LRRC20: variants seen among roughly 807,000 people sequenced by gnomAD.
The protein encoded by LRRC20 is leucine rich repeat containing 20.
Under a neutral mutation model 14.4 loss-of-function variants are expected in LRRC20, and 11 were observed. That is an observed-to-expected ratio of 0.77 (90% CI 0.48 to 1.27). The LOEUF is 1.27. Among genes scored for constraint, LRRC20 ranks in the 50% most tolerant of loss-of-function variants. LRRC20 has a pLI of 0.00. For synonymous variants in LRRC20, 121 were observed against 107.3 expected, an observed-to-expected ratio of 1.13 and a Z score of -0.79; for missense variants, 219 against 251.2, an observed-to-expected ratio of 0.87 and a Z score of 0.87.
chr10:70,307,819 T>C (rs1313335080), intron 4 of LRRC20, among the ~76,000 whole-genome samples: 2 of 152,232 alleles, frequency 1.3e-5, no homozygotes, highest in Non-Finnish European at 2.9e-5. Flanking sequence ...AATGGAGTCA[T>C]ACTGCTCACC....
chr10:70,328,950 C>T (rs1842430967), intron 3 of LRRC20, among the ~76,000 whole-genome samples: 1 of 152,154 alleles, frequency 6.6e-6, no homozygotes, highest in African/African-American at 2.4e-5. Flanking sequence ...ACACTTGGTT[C>T]CTGGATTATG....
At chr10:70,360,001 C>T (rs1589114528) in intron 2 of LRRC20, among the ~76,000 whole-genome samples, 1 of 150,826 alleles carries the variant, frequency 6.6e-6, no homozygotes, top group South Asian at 2.1e-4. Flanking sequence ...ACTGCAACCT[C>T]TGCCTCCCAG....
At chr10:70,366,268 T>C (rs752595036) in intron 2 of LRRC20, among the ~76,000 whole-genome samples, 9 of 149,414 alleles carry the variant, frequency 6.0e-5, no homozygotes, top group Non-Finnish European at 8.9e-5. Context: ...ACTAAAAATA[T>C]AAAAATTAAC....
intron 2 of LRRC20, among the ~76,000 whole-genome samples, chr10:70,342,141 A>C (rs1842938482): frequency 6.6e-6 from 1 of 151,996 alleles, no homozygotes; most frequent in Non-Finnish European, 1.5e-5. Context: ...TCTACTAAAA[A>C]TACAAAAAAA....
At chr10:70,369,869 C>T (rs988133402) in intron 2 of LRRC20, among the ~76,000 whole-genome samples, 6 of 75,504 alleles carry the variant, frequency 7.9e-5, no homozygotes, top group Admixed American at 5.3e-4. Flanking sequence ...CACTTGAGGT[C>T]AGGAGTTCGA....
chr10:70,340,106 G>A (rs1842860729), intron 3 of LRRC20, among the ~76,000 whole-genome samples: 1 of 149,734 alleles, frequency 6.7e-6, no homozygotes, highest in African/African-American at 2.5e-5. Flanking sequence ...GGGCGATACA[G>A]CAAGATTCCA....
At chr10:70,306,729 T>A (rs1841441472) in intron 4 of LRRC20, among the ~76,000 whole-genome samples, 3 of 152,216 alleles carry the variant, frequency 2.0e-5, no homozygotes, top group Admixed American at 2.0e-4. Flanking sequence ...CGTGCAAATA[T>A]CCTAAATGTT....
chr10:70,307,845 A>G (rs1841483715), intron 4 of LRRC20, among the ~76,000 whole-genome samples: 1 of 152,258 alleles, frequency 6.6e-6, no homozygotes. Context: ...GGGAGGTCCC[A>G]GAAGTCGACA....
At chr10:70,316,424 C>G (rs183620419) in intron 4 of LRRC20, among the ~76,000 whole-genome samples, 1 of 152,230 alleles carries the variant, frequency 6.6e-6, no homozygotes, top group Non-Finnish European at 1.5e-5. Context: ...TGAGCCACCG[C>G]GCCCGGCCCT....
chr10:70,300,011 T>C lies in LRRC20; in HGVS notation c.*1343A>G, dbSNP rs930212873. On this transcript the variant is annotated 3_prime_UTR_variant, in exon 5 of 5. Transcript: ENST00000446961. ...CATCTTAGCCTTAGGAGTAGTAAAG[T>C]GGCCACTCGTCCACGGCACACAGGA... 4 of 152,218 alleles carry C rather than the reference T, an allele frequency of 2.6e-5. No homozygotes were observed. The highest frequency in any genetic ancestry group is 9.7e-5 in the African/African-American group (4 of 41,432). 9.4% of individuals were successfully genotyped at this position (152,218 alleles called of 1,614,324 possible).
chr10:70,367,010 A>G (rs1252605132), intron 2 of LRRC20, among the ~76,000 whole-genome samples: 1 of 152,102 alleles, frequency 6.6e-6, no homozygotes, highest in Admixed American at 6.6e-5. Flanking sequence ...TCCTACTCCT[A>G]TGTATTTATC....
chr10:70,377,677 G>A (rs1844558273), intron 1 of LRRC20, among the ~76,000 whole-genome samples: 1 of 152,242 alleles, frequency 6.6e-6, no homozygotes, highest in Non-Finnish European at 1.5e-5. Flanking sequence ...GCGAAGGGCA[G>A]AGAGAAGGGG....
intron 4 of LRRC20, among the ~76,000 whole-genome samples, chr10:70,310,054 T>A (rs996085413): frequency 6.6e-6 from 1 of 152,234 alleles, no homozygotes; most frequent in African/African-American, 2.4e-5. Context: ...TAGGTATAGC[T>A]CTTTCCCCTA....
chr10:70,305,944 G>T (rs1350671352), intron 4 of LRRC20, among the ~76,000 whole-genome samples: 1 of 152,120 alleles, frequency 6.6e-6, no homozygotes, highest in Non-Finnish European at 1.5e-5. Flanking sequence ...ATTTCACCGT[G>T]TTAGCCAGGA....
At chr10:70,302,741 C>T (rs1342152672) in intron 4 of LRRC20, among the ~76,000 whole-genome samples, 18 of 146,866 alleles carry the variant, frequency 1.2e-4, no homozygotes, top group Non-Finnish European at 2.1e-4. Flanking sequence ...GACGGAGTTT[C>T]GCTCTGTCGC....
At chr10:70,310,548 C>T (rs537075179) in intron 4 of LRRC20, among the ~76,000 whole-genome samples, 1 of 152,230 alleles carries the variant, frequency 6.6e-6, no homozygotes, top group Non-Finnish European at 1.5e-5. Context: ...ACACTCGTAT[C>T]ATGCACCATG....
At chr10:70,370,894 C>A (rs1261847557) in intron 2 of LRRC20, among the ~76,000 whole-genome samples, 1 of 152,046 alleles carries the variant, frequency 6.6e-6, no homozygotes, top group Non-Finnish European at 1.5e-5. Flanking sequence ...GTAGCAAGTG[C>A]CTGTAGTCTC....
At chr10:70,335,152 A>G (rs991144297) in intron 3 of LRRC20, among the ~76,000 whole-genome samples, 5 of 152,140 alleles carry the variant, frequency 3.3e-5, no homozygotes, top group Non-Finnish European at 5.9e-5. Flanking sequence ...AAGAACACAC[A>G]CTTGGGGAAA....
chr10:70,346,638 G>A (rs1400841888), intron 2 of LRRC20, among the ~76,000 whole-genome samples: 1 of 152,136 alleles, frequency 6.6e-6, no homozygotes, highest in Non-Finnish European at 1.5e-5. Context: ...AAAACCATAT[G>A]CACATTGTAA....
Sources: gnomAD v4.1 joint callset for allele counts (sites outside exome capture counted in the v4.1 genomes callset) on GRCh38, gnomAD v4.1.1 for gene constraint, MANE v1.5 for transcripts, NCBI Gene and HGNC (gene_info 2026-07-23, HGNC 2026-07-21) for gene names.